Variants in CDC27 observed in about 807,000 individuals in gnomAD.
The protein encoded by CDC27 is cell division cycle 27, also known as cell division cycle protein 27 homolog.
In CDC27, 27 loss-of-function variants were observed where a neutral mutation model predicts 109.7. That is an observed-to-expected ratio of 0.25 (90% CI 0.18 to 0.34). CDC27 has a LOEUF of 0.34. CDC27 is among the 10% of genes least tolerant of loss of function. The probability of loss-of-function intolerance (pLI) is 1.00; values close to 1 mark genes in which losing one functional copy is unlikely to be tolerated. For synonymous variants in CDC27, 266 were observed against 333.9 expected (o/e 0.80, Z 2.22); for missense variants, 579 against 960.2 (o/e 0.60, Z 5.25).
At chr17:47,148,210 AAAAG>A (rs1438547682) in intron 9 of CDC27, among the ~76,000 whole-genome samples, 11 of 151,896 alleles carry the variant, frequency 7.2e-5, no homozygotes, top group East Asian at 3.9e-4. Flanking sequence ...AAAAAAAAAA[AAAAG>A]AAAGAAAGAA....
At chr17:47,153,089 C>A (rs528468043) in intron 8 of CDC27, among the ~76,000 whole-genome samples, 5 of 152,212 alleles carry the variant, frequency 3.3e-5, no homozygotes, top group African/African-American at 1.2e-4. Flanking sequence ...TCACTACATT[C>A]ATCCAAGGGA....
At chr17:47,156,145 A>G (rs1432676168) in intron 7 of CDC27, among the ~76,000 whole-genome samples, 6 of 151,948 alleles carry the variant, frequency 3.9e-5, no homozygotes, top group African/African-American at 1.4e-4. Flanking sequence ...ATTTTCCTCC[A>G]ATTTTTTTTT....
intron 2 of CDC27, chr17:47,181,330 T>C (rs1339632083): frequency 2.2e-5 from 5 of 230,522 alleles, no homozygotes; most frequent in Non-Finnish European, 3.2e-5. Flanking sequence ...ACCTAAAGAT[T>C]GAAAAATGAT....
chr17:47,162,526 G>A (rs1189274523), intron 4 of CDC27, among the ~76,000 whole-genome samples: 1 of 152,092 alleles, frequency 6.6e-6, no homozygotes, highest in Non-Finnish European at 1.5e-5. Context: ...AGCAGAATGT[G>A]ATATAAAACA....
chr17:47,160,722 G>A (rs1015656006), intron 4 of CDC27, among the ~76,000 whole-genome samples: 1 of 152,098 alleles, frequency 6.6e-6, no homozygotes, highest in African/African-American at 2.4e-5. Flanking sequence ...AAATCTAACC[G>A]AGATCCTCAA....
At chr17:47,172,221 G>A (rs2063832967) in intron 2 of CDC27, among the ~76,000 whole-genome samples, 157 bp from the exon 3 acceptor site, 8 of 151,740 alleles carry the variant, frequency 5.3e-5, no homozygotes, top group Admixed American at 3.3e-4. Context: ...ATGGAGAAAC[G>A]GTTTGCTTAT....
chr17:47,145,997 G>A (rs2062948892), intron 9 of CDC27, among the ~76,000 whole-genome samples: 2 of 151,922 alleles, frequency 1.3e-5, no homozygotes, highest in Admixed American at 1.3e-4. Flanking sequence ...CAATCATGTG[G>A]CCAATGATTC....
At chr17:47,188,718 A>T (rs993388308) in intron 1 of CDC27, 3 of 1,000,284 alleles carry the variant, frequency 3.0e-6, no homozygotes, top group East Asian at 1.0e-4. Flanking sequence ...AAGACAAAAT[A>T]AAAAAAACCT....
At chr17:47,159,997 GCTT>G (rs1028161571) in intron 4 of CDC27, 24 of 224,354 alleles carry the variant, frequency 1.1e-4, no homozygotes, top group South Asian at 2.8e-4. Flanking sequence ...TGAAACCTCT[GCTT>G]CTTTTTTTTT....
chr17:47,132,101 T>C (rs1233809346), intron 15 of CDC27, among the ~76,000 whole-genome samples, 156 bp downstream of exon 15: 2 of 151,736 alleles, frequency 1.3e-5, no homozygotes, highest in Non-Finnish European at 2.9e-5. Context: ...TGATTTTTTA[T>C]GCTAAGCCAA....
intron 14 of CDC27, among the ~76,000 whole-genome samples, chr17:47,135,603 A>G (rs2062558139): frequency 6.6e-6 from 1 of 152,220 alleles, no homozygotes; most frequent in African/African-American, 2.4e-5. Flanking sequence ...AAGGCTATCT[A>G]TTTTGTACTT....
intron 4 of CDC27, among the ~76,000 whole-genome samples, chr17:47,167,841 C>A (rs556540954): frequency 5.9e-5 from 9 of 152,338 alleles, no homozygotes; most frequent in African/African-American, 2.2e-4. Context: ...GACTGCCCTG[C>A]CCCACCTTCA....
At chr17:47,165,124 AATCT>A (rs2063606010) in intron 4 of CDC27, among the ~76,000 whole-genome samples, 1 of 152,198 alleles carries the variant, frequency 6.6e-6, no homozygotes, top group Non-Finnish European at 1.5e-5. Context: ...ATAACCTTGT[AATCT>A]ATCTAAGTTA....
chr17:47,159,743 G>A (rs772676113), intron 4 of CDC27: 54 of 411,422 alleles, frequency 1.3e-4, no homozygotes, highest in South Asian at 2.2e-4. Context: ...CTTCTGCACC[G>A]GCATAATCTT....
chr17:47,132,225 A>ATTG (rs1470664430), intron 15 of CDC27, 32 bp downstream of exon 15: 6 of 965,338 alleles, frequency 6.2e-6, no homozygotes, highest in Non-Finnish European at 9.6e-6. Context: ...AAGGGAGATT[A>ATTG]ATAGAGTATT....
At chr17:47,164,141 A>C (rs901674639) in intron 4 of CDC27, among the ~76,000 whole-genome samples, 4 of 152,160 alleles carry the variant, frequency 2.6e-5, no homozygotes, top group African/African-American at 9.7e-5. Context: ...TACTGTTATA[A>C]CTGCCTACAG....
chr17:47,127,759 G>A (rs2062190880), intron 16 of CDC27, among the ~76,000 whole-genome samples: 1 of 151,986 alleles, frequency 6.6e-6, no homozygotes, highest in Non-Finnish European at 1.5e-5. Context: ...CTGAAGTGCA[G>A]TGGCGCGAAA....
At chr17:47,124,929 C>CT (rs1004431794) in intron 16 of CDC27, among the ~76,000 whole-genome samples, 1 of 151,696 alleles carries the variant, frequency 6.6e-6, no homozygotes, top group Non-Finnish European at 1.5e-5. Flanking sequence ...ATCTTTTTTT[C>CT]TTTTTTGAGA....
At chr17:47,143,205 C>T (rs182337313) in intron 10 of CDC27, among the ~76,000 whole-genome samples, 3 of 152,210 alleles carry the variant, frequency 2.0e-5, no homozygotes, top group African/African-American at 4.8e-5. Context: ...CTCAAGTGAT[C>T]GGCCCACCTT....
Sources: gnomAD v4.1 joint callset for allele counts (sites outside exome capture counted in the v4.1 genomes callset) on GRCh38, gnomAD v4.1.1 for gene constraint, MANE v1.5 for transcripts, NCBI Gene and HGNC (gene_info 2026-07-23, HGNC 2026-07-21) for gene names.